ZWILCH: variants seen among roughly 807,000 people sequenced by gnomAD.
The protein encoded by ZWILCH is protein zwilch homolog.
ZWILCH carries 74 observed loss-of-function variants against 79.9 expected under a neutral mutation model. That is an observed-to-expected ratio of 0.93 (90% CI 0.77 to 1.12). The LOEUF is 1.12. Among genes scored for constraint, ZWILCH ranks in the 50% most tolerant of loss-of-function variants. The pLI is 0.00. For synonymous variants in ZWILCH, 241 were observed against 228.2 expected, an observed-to-expected ratio of 1.06 and a Z score of -0.51; for missense variants, 694 against 687.5, an observed-to-expected ratio of 1.01 and a Z score of -0.11.
chr15:66,530,804 T>C (rs886192754), intron 12 of ZWILCH, among the ~76,000 whole-genome samples: 1 of 152,014 alleles, frequency 6.6e-6, no homozygotes, highest in African/African-American at 2.4e-5. Context: ...ATAAAAGTTA[T>C]AAACTTTTAT....
chr15:66,508,805 G>T, intron 1 of ZWILCH, 36 bp from the exon 2 acceptor site: 1 of 1,613,166 alleles, frequency 6.2e-7, no homozygotes, highest in Non-Finnish European at 8.5e-7. Context: ...GAGAGATAAT[G>T]TAGTTCTGTT....
chr15:66,533,898 G>A (rs1280709282), intron 14 of ZWILCH, among the ~76,000 whole-genome samples: 2 of 152,110 alleles, frequency 1.3e-5, no homozygotes, highest in East Asian at 1.9e-4. Context: ...CTTGAGCCCA[G>A]GAGTGTGAGA....
chr15:66,536,885 G>A (rs1174408529), intron 15 of ZWILCH, among the ~76,000 whole-genome samples: 3 of 151,384 alleles, frequency 2.0e-5, no homozygotes, highest in Non-Finnish European at 4.4e-5. Flanking sequence ...TTCTCCCCAC[G>A]AAGCCTTTCT....
At chr15:66,517,120 A>G (rs1408176250) in intron 4 of ZWILCH, among the ~76,000 whole-genome samples, 1 of 152,000 alleles carries the variant, frequency 6.6e-6, no homozygotes, top group Non-Finnish European at 1.5e-5. Flanking sequence ...GTGACTTTCA[A>G]TTTTGATACA....
chr15:66,528,105 A>G (rs1043542948), intron 10 of ZWILCH, among the ~76,000 whole-genome samples, 193 bp downstream of exon 10: 1 of 151,972 alleles, frequency 6.6e-6, no homozygotes, highest in African/African-American at 2.4e-5. Context: ...TTTTTATTTA[A>G]TTATTATTAT....
At chr15:66,530,902 G>A (rs958272454) in intron 12 of ZWILCH, among the ~76,000 whole-genome samples, 2 of 152,176 alleles carry the variant, frequency 1.3e-5, no homozygotes, top group Non-Finnish European at 2.9e-5. Context: ...AGTTTTAGCC[G>A]TTGAATTTTT....
Position 66,550,103 on chromosome 15 carries a change from A to C in ZWILCH, c.*1779A>C. 1.3e-6 allele frequency: 2 copies of C among 1,593,784 alleles called. No homozygotes were observed. The highest frequency in any genetic ancestry group is 1.7e-6 in the Non-Finnish European group (2 of 1,171,456). On this transcript the variant is annotated 3_prime_UTR_variant, in exon 19 of 19. Coordinates refer to ENST00000307897, the MANE Select transcript of ZWILCH (RefSeq NM_017975.5). ...CAAAGCTTTGAGGTACCAACTTTCC[A>C]CCTAATAAAAACCCACTTGATAAGT...
chr15:66,507,572 T>C (rs1350785621), intron 1 of ZWILCH, among the ~76,000 whole-genome samples: 1 of 152,240 alleles, frequency 6.6e-6, no homozygotes, highest in African/African-American at 2.4e-5. Flanking sequence ...TAGCTTCCTA[T>C]ACTTGCCTCT....
At chr15:66,508,045 T>G (rs1437940540) in intron 1 of ZWILCH, among the ~76,000 whole-genome samples, 1 of 152,024 alleles carries the variant, frequency 6.6e-6, no homozygotes, top group Non-Finnish European at 1.5e-5. Context: ...CAAAAGTGAA[T>G]CAGTCATAGG....
In ZWILCH at chr15:66,546,640, T is replaced by C. The variant is rs749420690; in HGVS notation, c.1737T>C (p.Phe579=). The C allele has an allele frequency of 1.9e-6, 3 of 1,609,584 alleles. No individual in the cohort carries two copies. Among genetic ancestry groups the C allele is most frequent in the Middle Eastern group, 1.6e-4 (1 of 6,076 alleles). ...LNGSLEERIF[F]TNMVTCSQVH... is the part of the protein sequence containing the mutation. ...GTAGCCTGGAAGAAAGGATATTCTT[T>C]ACTAACATGGTTACCTGCAGCCAGG... is the stretch of plus-strand genomic sequence containing the variant. Residue 579 remains phenylalanine, a synonymous_variant, in exon 18 of 19, where the codon TTT becomes TTC. Transcript: ENST00000307897.
At position 66,548,563 on chromosome 15, in the gene ZWILCH, A is replaced by G. The variant is rs1895468416; in HGVS notation, c.*239A>G. 6.2e-7 allele frequency: 1 copy of G among 1,613,378 alleles called. No individual in the cohort carries two copies. The highest frequency in any genetic ancestry group is 1.3e-5 in the African/African-American group (1 of 74,918). Reference sequence around the variant, plus strand: ...GACACAGAGGGAGCAGACAGTGGGTACCACGATCTCCGTAACCATTTGCAT... The same window carrying G: ...GACACAGAGGGAGCAGACAGTGGGTGCCACGATCTCCGTAACCATTTGCAT... On this transcript the variant is annotated 3_prime_UTR_variant, in exon 19 of 19. Transcript: ENST00000307897.
chr15:66,514,179 G>A (rs4420479), intron 3 of ZWILCH, 96 bp downstream of exon 3: 652,808 of 760,568 alleles, frequency 0.86, 280,623 homozygotes, highest in South Asian at 0.92. Context: ...AATCAGCATC[G>A]GTGAAAATGA....
chr15:66,516,378 C>T (rs1337597778), intron 4 of ZWILCH, among the ~76,000 whole-genome samples: 2 of 152,206 alleles, frequency 1.3e-5, no homozygotes, highest in Non-Finnish European at 2.9e-5. Context: ...TCCTTGTCTT[C>T]AGGGTGTCCT....
intron 2 of ZWILCH, among the ~76,000 whole-genome samples, chr15:66,511,301 T>C (rs976732988): frequency 3.3e-5 from 5 of 151,850 alleles, no homozygotes; most frequent in African/African-American, 1.2e-4. Context: ...GCCTGAGCAA[T>C]ATGGTGAGAC....
At chr15:66,509,870 T>TATATATATATATATATATATAG (rs1491513134) in intron 2 of ZWILCH, among the ~76,000 whole-genome samples, 1 of 100,600 alleles carries the variant, frequency 9.9e-6, no homozygotes, top group African/African-American at 3.9e-5. Context: ...TATATATATA[T>TATATATATATATATATATATAG]CTCTTAAAAA....
At position 66,529,540 on chromosome 15, in the gene ZWILCH, C is replaced by T. The variant is rs748878794; in HGVS notation, c.1122C>T (p.Ile374=). The change falls in exon 12 of 19, where the codon ATC becomes ATT. Residue 374 remains isoleucine, a synonymous_variant. Transcript: ENST00000307897. ...TGGTGAAGTGTTTCACATTGATCAT[C>T]CAGAGTCTACAACGTGGTGATATAC... ...QDLVKCFTLI[I]QSLQRGDIQP... is the part of the protein sequence containing the mutation. 1.4e-5 allele frequency: 22 copies of T among 1,613,936 alleles called. No homozygotes were observed. The highest frequency in any genetic ancestry group is 7.7e-5 in the South Asian group (7 of 91,078).
chr15:66,508,665 T>TG, intron 1 of ZWILCH, 176 bp from the exon 2 acceptor site: 1 of 1,299,052 alleles, frequency 7.7e-7, no homozygotes, highest in Non-Finnish European at 1.0e-6. Context: ...CTTAACCTAA[T>TG]GCTTCTTTTC....
chr15:66,538,550 T>A (rs1895088772), intron 16 of ZWILCH, among the ~76,000 whole-genome samples: 1 of 152,044 alleles, frequency 6.6e-6, no homozygotes, highest in African/African-American at 2.4e-5. Context: ...ACCCGGCTAA[T>A]TTTTGTATTT....
intron 2 of ZWILCH, among the ~76,000 whole-genome samples, chr15:66,510,460 T>C (rs1025701143): frequency 1.3e-5 from 2 of 151,300 alleles, no homozygotes; most frequent in African/African-American, 4.8e-5. Flanking sequence ...GAGTAAGTAA[T>C]CAAGAAAGAA....
Sources: allele counts gnomAD v4.1 joint callset (sites outside exome capture counted in the v4.1 genomes callset), GRCh38; gene constraint gnomAD v4.1.1; transcripts MANE v1.5; gene names NCBI Gene and HGNC (gene_info 2026-07-23, HGNC 2026-07-21).